ELP4: variants seen among roughly 807,000 people sequenced by gnomAD.
ELP4 encodes the protein elongator acetyltransferase complex subunit 4, also known as elongator complex protein 4.
In ELP4, 51 loss-of-function variants were observed where a neutral mutation model predicts 48.9. That is an observed-to-expected ratio of 1.04 (90% confidence interval 0.83 to 1.32). The LOEUF is 1.32. Among genes scored for constraint, ELP4 ranks in the 40% most tolerant of loss-of-function variants. The pLI, the probability that ELP4 is intolerant of heterozygous loss-of-function variation, is 0.00. For synonymous variants in ELP4, 210 were observed against 189.2 expected (o/e 1.11, Z -0.90); for missense variants, 519 against 514.6 (o/e 1.01, Z -0.08).
At chr11:31,571,820 CAGT>C (rs1957198039) in intron 3 of ELP4, among the ~76,000 whole-genome samples, 1 of 152,140 alleles carries the variant, frequency 6.6e-6, no homozygotes, top group Non-Finnish European at 1.5e-5. Context: ...TTTTTCTGAG[CAGT>C]AGGTTTCCAT....
chr11:31,761,509 A>G (rs964533388), intron 9 of ELP4, among the ~76,000 whole-genome samples: 2 of 152,224 alleles, frequency 1.3e-5, no homozygotes, highest in African/African-American at 2.4e-5. Context: ...ATATACCAGT[A>G]AGTATATAAA....
At chr11:31,635,661 G>C (rs982691225) in intron 7 of ELP4, among the ~76,000 whole-genome samples, 12 of 151,972 alleles carry the variant, frequency 7.9e-5, no homozygotes, top group African/African-American at 2.7e-4. Flanking sequence ...GGAGCAAAAA[G>C]TATCCAGTGA....
intron 9 of ELP4, among the ~76,000 whole-genome samples, chr11:31,763,711 A>G (rs1201267069): frequency 6.6e-6 from 1 of 152,144 alleles, no homozygotes; most frequent in Non-Finnish European, 1.5e-5. Context: ...TGCAACCAAC[A>G]TGAGTACTTT....
intron 5 of ELP4, among the ~76,000 whole-genome samples, chr11:31,615,583 C>G (rs1264355847): frequency 5.9e-5 from 9 of 151,722 alleles, no homozygotes; most frequent in African/African-American, 2.2e-4. Context: ...TATTTTTCAT[C>G]TGAACACAAT....
chr11:31,772,387 T>C (rs1948165043), intron 9 of ELP4, among the ~76,000 whole-genome samples: 2 of 152,182 alleles, frequency 1.3e-5, no homozygotes, highest in African/African-American at 4.8e-5. Flanking sequence ...TCCCAAGTGC[T>C]GGAATTACAG....
At chr11:31,534,491 G>A (rs1018236544) in intron 2 of ELP4, among the ~76,000 whole-genome samples, 1 of 151,952 alleles carries the variant, frequency 6.6e-6, no homozygotes, top group African/African-American at 2.4e-5. Flanking sequence ...ATGGTAAGGG[G>A]GTATAGCTAT....
chr11:31,567,900 G>A (rs1312101197), intron 3 of ELP4, among the ~76,000 whole-genome samples: 5 of 152,186 alleles, frequency 3.3e-5, no homozygotes, highest in Non-Finnish European at 7.4e-5. Flanking sequence ...GTTGATGGCT[G>A]CTGACTTACA....
intron 5 of ELP4, among the ~76,000 whole-genome samples, chr11:31,604,241 C>T (rs953835650): frequency 6.6e-6 from 1 of 151,616 alleles, no homozygotes; most frequent in Non-Finnish European, 1.5e-5. Flanking sequence ...CAAATAGACA[C>T]CTAATAAATA....
chr11:31,677,121 G>C (rs1945941786), intron 9 of ELP4, among the ~76,000 whole-genome samples: 1 of 152,170 alleles, frequency 6.6e-6, no homozygotes. Context: ...TTGTCAAATT[G>C]ATGAGAACAA....
intron 5 of ELP4, among the ~76,000 whole-genome samples, chr11:31,621,285 T>G (rs1944616163): frequency 6.6e-6 from 1 of 151,996 alleles, no homozygotes; most frequent in South Asian, 2.1e-4. Context: ...CACTTTAAAT[T>G]AATCCTAATT....
chr11:31,609,923 G>A (rs1957945755), intron 5 of ELP4, among the ~76,000 whole-genome samples: 3 of 152,000 alleles, frequency 2.0e-5, no homozygotes, highest in Admixed American at 6.6e-5. Context: ...GGCACATGCT[G>A]TAATCCCAGT....
intron 3 of ELP4, among the ~76,000 whole-genome samples, chr11:31,586,749 TCTC>T (rs1044748926): frequency 6.6e-6 from 1 of 151,858 alleles, no homozygotes; most frequent in African/African-American, 2.4e-5. Flanking sequence ...TCAACGCCGT[TCTC>T]CTGCCTCAGC....
At chr11:31,721,391 T>A (rs2134186420) in intron 9 of ELP4, among the ~76,000 whole-genome samples, 1 of 152,318 alleles carries the variant, frequency 6.6e-6, no homozygotes, top group Admixed American at 6.5e-5. Context: ...AATTATAAGA[T>A]CATGTAATAT....
rs550203897 is a variant in ELP4 at position 31,583,923 on chromosome 11, C to T, written c.382-10847C>T. On this transcript the variant is annotated intron_variant, in intron 3 of 9. Coordinates refer to ENST00000640961, the MANE Select transcript of ELP4 (RefSeq NM_019040.5). The stretch of plus-strand genomic sequence containing the variant: ...CTAGTGCAGTTGAGATTAACTTTTT[C>T]GTTCATTTAATTTTAATTAATATAA... Among the ~76,000 whole-genome samples the T allele has an allele frequency of 1.1e-3, 172 of 152,066 alleles. 2 individuals carry two copies. The highest frequency in any genetic ancestry group is 4.0e-3 in the African/African-American group (165 of 41,502).
In ELP4 at chr11:31,697,950, A is replaced by C. The variant is rs554454157; in HGVS notation, c.1143+47729A>C. Among the ~76,000 whole-genome samples, 3 of 95,206 alleles carry C rather than the reference A, an allele frequency of 3.2e-5. No homozygotes were observed. In the East Asian group the frequency reaches 9.5e-4, roughly 30 times the overall value. 62.5% of individuals were successfully genotyped at this position (95,206 alleles called of 152,430 possible). On this transcript the variant is annotated intron_variant, in intron 9 of 9. Coordinates refer to ENST00000640961, the MANE Select transcript of ELP4 (RefSeq NM_019040.5). ...TAGTAGTGCTTCTACTACATATCAGAAAATGCTTTTTTTTTAAAAGGATTT... is the reference window on the plus strand; with the variant it reads ...TAGTAGTGCTTCTACTACATATCAGCAAATGCTTTTTTTTTAAAAGGATTT...
In ELP4 at chr11:31,785,990, T is replaced by C; in HGVS notation, c.*2466T>C. ...CCTATATGGTACTCATTTCTTACAC[T>C]AGATTTGCCTTTCTTTAACATGAGA... On this transcript the variant is annotated 3_prime_UTR_variant, in exon 10 of 10. Coordinates refer to ENST00000640961, the MANE Select transcript of ELP4 (RefSeq NM_019040.5). 1 of 201,184 alleles carries C rather than the reference T, an allele frequency of 5.0e-6. No individual in the cohort carries two copies. The allele number at this position is 201,184 out of a possible 1,614,324, so 12.5% of individuals were successfully genotyped here.
chr11:31,588,974 C>T (rs1424525968), intron 3 of ELP4, among the ~76,000 whole-genome samples: 1 of 152,094 alleles, frequency 6.6e-6, no homozygotes, highest in Non-Finnish European at 1.5e-5. Flanking sequence ...CAGAGTGAGA[C>T]TCTGTCTCAA....
intron 3 of ELP4, among the ~76,000 whole-genome samples, chr11:31,563,798 T>C (rs1030694030): frequency 3.6e-4 from 55 of 152,060 alleles, no homozygotes; most frequent in African/African-American, 1.3e-3. Context: ...AGCACCAAAT[T>C]GCAGAAAGAA....
At chr11:31,674,008 A>G (rs1008054099) in intron 9 of ELP4, among the ~76,000 whole-genome samples, 1 of 152,236 alleles carries the variant, frequency 6.6e-6, no homozygotes, top group Non-Finnish European at 1.5e-5. Context: ...ATAACTGGTT[A>G]TTTAAGATTG....
Sources: gnomAD v4.1 joint callset for allele counts (sites outside exome capture counted in the v4.1 genomes callset) on GRCh38, gnomAD v4.1.1 for gene constraint, MANE v1.5 for transcripts, NCBI Gene and HGNC (gene_info 2026-07-23, HGNC 2026-07-21) for gene names.